PTK2B: variants seen among roughly 807,000 people sequenced by gnomAD.
PTK2B encodes the protein protein tyrosine kinase 2 beta.
A neutral mutation model predicts 142.9 loss-of-function variants in PTK2B; 71 were observed. The observed-to-expected ratio is 0.50, with a 90% CI of 0.41 to 0.61. The LOEUF (loss-of-function observed/expected upper bound fraction) is 0.61. Among genes scored for constraint, PTK2B ranks in the 20% least tolerant of loss-of-function variants. The pLI is 0.00. For missense variants in PTK2B, 1,105 were observed against 1,320.4 expected, an observed-to-expected ratio of 0.84 and a Z score of 2.53; for synonymous variants, 519 against 503.4, an observed-to-expected ratio of 1.03 and a Z score of -0.42.
chr8:27,319,326 T>G (rs1350709956), intron 3 of PTK2B, among the ~76,000 whole-genome samples: 2 of 151,598 alleles, frequency 1.3e-5, no homozygotes, highest in Non-Finnish European at 2.9e-5. Flanking sequence ...ACCTTTTTTT[T>G]TTTTTCAGGA....
chr8:27,354,530 A>G (rs886476763), intron 1 of PTK2B, among the ~76,000 whole-genome samples: 1 of 152,206 alleles, frequency 6.6e-6, no homozygotes, highest in African/African-American at 2.4e-5. Flanking sequence ...ATGTGCAAGC[A>G]GTTTTTGATT....
chr8:27,334,849 G>T (rs1287119260), intron 1 of PTK2B, among the ~76,000 whole-genome samples: 1 of 152,164 alleles, frequency 6.6e-6, no homozygotes, highest in Non-Finnish European at 1.5e-5. Flanking sequence ...TGTCCTGAAG[G>T]TGGAGATTTC....
At chr8:27,360,578 G>A (rs1805639283) in intron 1 of PTK2B, among the ~76,000 whole-genome samples, 1 of 151,982 alleles carries the variant, frequency 6.6e-6, no homozygotes, top group Admixed American at 6.6e-5. Flanking sequence ...TTGTGAGCTA[G>A]CTGGCTCCTG....
Position 27,363,477 on chromosome 8 carries a change from ATGT to A in PTK2B, c.-37-34068_-37-34066del, listed in dbSNP as rs1212585229. ...CCGAGCAATGGGACAGGTTGCAGAA[ATGT>A]TGAGAGAGTGAGTTTCTCATCACTA... is the stretch of plus-strand genomic sequence containing the variant. On this transcript the variant is annotated intron_variant, in intron 1 of 30. Coordinates refer to ENST00000346049, the MANE Select transcript of PTK2B (RefSeq NM_173176.3). The surrounding 1 kb of genome is among the most constrained non-coding windows in gnomAD (Gnocchi z 4.3). Among the ~76,000 whole-genome samples the A allele has an allele frequency of 1.3e-5, 2 of 152,158 alleles. No homozygotes were observed. Among genetic ancestry groups the A allele is most frequent in the Admixed American group, 6.5e-5 (1 of 15,274 alleles).
intron 1 of PTK2B, among the ~76,000 whole-genome samples, chr8:27,373,061 T>C (rs76155198): frequency 0.02 from 3,002 of 152,190 alleles, 102 homozygotes; most frequent in African/African-American, 0.068. Context: ...TTAGCCCAGA[T>C]ACCCACTGGC....
chr8:27,419,414 ATTAG>A (rs1457037837), intron 2 of PTK2B, among the ~76,000 whole-genome samples: 1 of 152,146 alleles, frequency 6.6e-6, no homozygotes, highest in Non-Finnish European at 1.5e-5. Flanking sequence ...TGGGACATAT[ATTAG>A]TTTCTCCATC....
intron 1 of PTK2B, 32 bp from the exon 2 acceptor site, chr8:27,397,516 C>T (rs1179325177): frequency 1.9e-6 from 3 of 1,557,984 alleles, no homozygotes; most frequent in Non-Finnish European, 2.6e-6. Context: ...GTGTGGGGCT[C>T]TTTCAGGGCT....
intron 1 of PTK2B, among the ~76,000 whole-genome samples, chr8:27,368,927 A>G (rs1444683653): frequency 1.3e-5 from 2 of 152,176 alleles, no homozygotes; most frequent in African/African-American, 4.8e-5. Context: ...GCGGAAGTGG[A>G]AAGAGATCCA....
intron 5 of PTK2B, among the ~76,000 whole-genome samples, chr8:27,428,850 T>C (rs1258791548): frequency 6.6e-6 from 1 of 152,234 alleles, no homozygotes; most frequent in Non-Finnish European, 1.5e-5. Context: ...TAAAAATTAT[T>C]AAGGATATAG....
At chr8:27,348,037 A>G (rs1804817864) in intron 1 of PTK2B, among the ~76,000 whole-genome samples, 1 of 152,220 alleles carries the variant, frequency 6.6e-6, no homozygotes, top group East Asian at 1.9e-4. Flanking sequence ...GTGGACCTGG[A>G]GAGGCCTCAC....
chr8:27,407,511 C>T (rs2131594335), intron 2 of PTK2B, among the ~76,000 whole-genome samples: 1 of 152,326 alleles, frequency 6.6e-6, no homozygotes. Flanking sequence ...CTGGTGCTGG[C>T]TCCAGCTCAC....
intron 1 of PTK2B, among the ~76,000 whole-genome samples, chr8:27,355,135 C>T (rs988439063): frequency 1.2e-4 from 19 of 152,174 alleles, no homozygotes; most frequent in Non-Finnish European, 2.5e-4. Flanking sequence ...AGAACTTGTG[C>T]GTGTGCTACC....
intron 21 of PTK2B, among the ~76,000 whole-genome samples, chr8:27,442,096 G>A (rs1036581508): frequency 6.6e-6 from 1 of 152,154 alleles, no homozygotes; most frequent in African/African-American, 2.4e-5. Context: ...ACCGTTCCAG[G>A]GAGGAAAGGC....
intron 3 of PTK2B, among the ~76,000 whole-genome samples, chr8:27,316,106 G>C (rs893333702): frequency 6.6e-6 from 1 of 152,150 alleles, no homozygotes; most frequent in Non-Finnish European, 1.5e-5. Context: ...CTAATCTTCT[G>C]CAAGAGCTTA....
upstream of PTK2B, chr8:27,311,213 G>T (rs772787780): frequency 1.7e-5 from 26 of 1,571,066 alleles, no homozygotes; most frequent in Admixed American, 7.1e-5. Flanking sequence ...AGGCCCGGGG[G>T]ACACGTCGGG....
chr8:27,444,372 G>C lies in PTK2B; in HGVS notation c.2214+101G>C. 4 of 1,356,764 alleles carry C rather than the reference G, an allele frequency of 2.9e-6. No individual in the cohort carries two copies. In the South Asian group the frequency reaches 4.9e-5, roughly 17 times the overall value. 84.0% of individuals were successfully genotyped at this position (1,356,764 alleles called of 1,614,324 possible). On this transcript the variant is annotated intron_variant, in intron 23 of 30. Transcript: ENST00000346049. ...AGAGGAGCAGCAGTCACCCACTTGGGTGATGGAGATGGCCTAGGTTGACTC... is the reference window on the plus strand; with the variant it reads ...AGAGGAGCAGCAGTCACCCACTTGGCTGATGGAGATGGCCTAGGTTGACTC...
rs368770482 is a variant in PTK2B at position 27,376,016 on chromosome 8, G to C, written c.-37-21532G>C. Reference sequence around the variant, plus strand: ...GTGCTGTGGGATGAAGAGGTTTGTGGTTGCCACCTCAGCTTGAGGCTGAGC... The same window carrying C: ...GTGCTGTGGGATGAAGAGGTTTGTGCTTGCCACCTCAGCTTGAGGCTGAGC... On this transcript the variant is annotated intron_variant, in intron 1 of 30. Transcript: ENST00000346049. Among the ~76,000 whole-genome samples, 5 of 152,344 alleles carry C rather than the reference G, an allele frequency of 3.3e-5. No individual in the cohort carries two copies. The South Asian group carries it at 6.2e-4, about 19-fold the overall frequency.
At chr8:27,371,035 A>G (rs1806325233) in intron 1 of PTK2B, among the ~76,000 whole-genome samples, 1 of 152,086 alleles carries the variant, frequency 6.6e-6, no homozygotes, top group Non-Finnish European at 1.5e-5. Flanking sequence ...AGATGGGGCT[A>G]CAGGTGCTCG....
Position 27,423,691 on chromosome 8 carries a change from A to G in PTK2B, c.551+1308A>G, listed in dbSNP as rs549141126. On this transcript the variant is annotated intron_variant, in intron 5 of 30. Coordinates refer to ENST00000346049, the MANE Select transcript of PTK2B (RefSeq NM_173176.3). The stretch of plus-strand genomic sequence containing the variant: ...GCTTCTACGGAGCCAGCTGAGGGGC[A>G]CTGGGGAATTCTGGCCCCATTGTGA... 3.3e-5 allele frequency among the ~76,000 whole-genome samples: 5 copies of G among 152,260 alleles called. No individual in the cohort carries two copies. In the South Asian group the frequency reaches 8.3e-4, roughly 25 times the overall value.
Sources: allele counts gnomAD v4.1 joint callset (sites outside exome capture counted in the v4.1 genomes callset), GRCh38; gene constraint gnomAD v4.1.1; non-coding constraint Gnocchi (gnomAD v3.1); transcripts MANE v1.5; gene names NCBI Gene and HGNC (gene_info 2026-07-23, HGNC 2026-07-21).